PCGF5: variants seen among roughly 807,000 people sequenced by gnomAD.
PCGF5 encodes the protein polycomb group RING finger protein 5.
PCGF5 carries 9 observed loss-of-function variants against 44.3 expected under a neutral mutation model. The observed-to-expected ratio is 0.20, with a 90% CI of 0.12 to 0.35. The LOEUF is 0.35. PCGF5 is among the 10% of genes least tolerant of loss of function. The pLI is 1.00. For missense variants in PCGF5, 146 were observed against 305.3 expected (o/e 0.48, Z 3.89); for synonymous variants, 95 against 102.5 (o/e 0.93, Z 0.44).
intron 1 of PCGF5, among the ~76,000 whole-genome samples, chr10:91,209,961 T>A (rs1467956444): frequency 6.6e-6 from 1 of 152,154 alleles, no homozygotes; most frequent in African/African-American, 2.4e-5. Context: ...CAAATGGGTG[T>A]TTTTGTTTGT....
At chr10:91,274,855 A>C (rs1846267582) in intron 9 of PCGF5, among the ~76,000 whole-genome samples, 1 of 152,198 alleles carries the variant, frequency 6.6e-6, no homozygotes, top group African/African-American at 2.4e-5. Flanking sequence ...GGGCTGGAGC[A>C]CGACAGTGCA....
chr10:91,169,571 A>C (rs1322590975), intron 1 of PCGF5, among the ~76,000 whole-genome samples: 2 of 152,266 alleles, frequency 1.3e-5, no homozygotes, highest in African/African-American at 4.8e-5. Flanking sequence ...ATATACATCT[A>C]ACAAAATATG....
intron 9 of PCGF5, among the ~76,000 whole-genome samples, chr10:91,275,253 A>T (rs4631787): frequency 6.6e-6 from 1 of 152,072 alleles, no homozygotes. Flanking sequence ...AGAAGGAAAC[A>T]CAATGGGCTA....
intron 6 of PCGF5, among the ~76,000 whole-genome samples, 155 bp from the exon 7 acceptor site, chr10:91,261,171 G>A (rs968293390): frequency 1.3e-5 from 2 of 151,766 alleles, no homozygotes; most frequent in Non-Finnish European, 1.5e-5. Context: ...ATTTTTACTC[G>A]CAAATACTAA....
chr10:91,207,501 A>G (rs111473431), intron 1 of PCGF5, among the ~76,000 whole-genome samples: 1,527 of 152,298 alleles, frequency 0.01, 25 homozygotes, highest in African/African-American at 0.032. Flanking sequence ...TTACCTCTAA[A>G]TACTTCAGGT....
chr10:91,161,142 C>T (rs1425965401), upstream of PCGF5, among the ~76,000 whole-genome samples: 1 of 152,204 alleles, frequency 6.6e-6, no homozygotes, highest in Non-Finnish European at 1.5e-5. Context: ...ACAAGCCCTC[C>T]AGGGTTCCGG....
chr10:91,258,794 A>G (rs1487531269), intron 6 of PCGF5, among the ~76,000 whole-genome samples: 1 of 151,972 alleles, frequency 6.6e-6, no homozygotes, highest in African/African-American at 2.4e-5. Flanking sequence ...CTTTTAATGG[A>G]TATTTTATCA....
intron 3 of PCGF5, among the ~76,000 whole-genome samples, chr10:91,243,192 T>C (rs748384650): frequency 1.4e-4 from 21 of 152,130 alleles, no homozygotes; most frequent in Non-Finnish European, 2.5e-4. Context: ...ACCAGGAGAC[T>C]AAGGAGGTTG....
chr10:91,230,723 C>T (rs1032381664), intron 2 of PCGF5, among the ~76,000 whole-genome samples: 6 of 152,124 alleles, frequency 3.9e-5, no homozygotes, highest in African/African-American at 7.2e-5. Context: ...CAGTCTCAAG[C>T]GATCTTCCTA....
In PCGF5 at chr10:91,202,608, C is replaced by T. The variant is rs192026768; in HGVS notation, c.-183-20081C>T. ...ATGAGGGATACTGTAATATAATATA[C>T]AGCCAGAAGTTGTTACTATATTTGA... On this transcript the variant is annotated intron_variant, in intron 1 of 9. Coordinates refer to the PCGF5 transcript ENST00000614189. Among the ~76,000 whole-genome samples, 92 of 152,284 alleles carry T rather than the reference C, an allele frequency of 6.0e-4. 1 individual carries two copies. The highest frequency in any genetic ancestry group is 3.9e-4 in the Admixed American group (6 of 15,296).
intron 2 of PCGF5, among the ~76,000 whole-genome samples, chr10:91,233,832 A>C (rs1181590128): frequency 1.3e-5 from 2 of 152,230 alleles, no homozygotes; most frequent in Non-Finnish European, 2.9e-5. Flanking sequence ...GGAAGGAAGA[A>C]AAAATATGCA....
At chr10:91,171,746 T>C (rs959367100) in intron 1 of PCGF5, among the ~76,000 whole-genome samples, 24 of 152,190 alleles carry the variant, frequency 1.6e-4, no homozygotes, top group African/African-American at 5.8e-4. Context: ...TGAGGAACTT[T>C]CAGGGTTATT....
intron 3 of PCGF5, among the ~76,000 whole-genome samples, chr10:91,245,067 A>T (rs1223848525): frequency 6.6e-6 from 1 of 152,160 alleles, no homozygotes; most frequent in Non-Finnish European, 1.5e-5. Flanking sequence ...ACAGAGAGGC[A>T]CGAGTAAAGG....
At chr10:91,205,829 A>C (rs760779417) in intron 1 of PCGF5, among the ~76,000 whole-genome samples, 6 of 152,126 alleles carry the variant, frequency 3.9e-5, no homozygotes, top group Non-Finnish European at 7.4e-5. Context: ...ATCTCTGCTA[A>C]AAATACAAAA....
intron 2 of PCGF5, among the ~76,000 whole-genome samples, chr10:91,224,092 A>G (rs941024164): frequency 6.6e-6 from 1 of 152,224 alleles, no homozygotes; most frequent in Non-Finnish European, 1.5e-5. Context: ...TGTTACATTT[A>G]TGTTACATTT....
intron 1 of PCGF5, among the ~76,000 whole-genome samples, chr10:91,222,213 A>G (rs569294820): frequency 9.8e-5 from 15 of 152,344 alleles, no homozygotes; most frequent in Admixed American, 3.9e-4. Context: ...GATGGACTGC[A>G]GGTGGAGAGG....
In PCGF5 at chr10:91,272,759, C is replaced by G. The variant is rs143756695; in HGVS notation, c.723+1062C>G. ...CTGCATTCCAGCCTGGGTGACAGAGCAAGACTCTGTTTCAGACAAACAAAT... is the reference window on the plus strand; with the variant it reads ...CTGCATTCCAGCCTGGGTGACAGAGGAAGACTCTGTTTCAGACAAACAAAT... On this transcript the variant is annotated intron_variant, in intron 9 of 9. Transcript: ENST00000336126. Among the ~76,000 whole-genome samples the G allele has an allele frequency of 3.2e-3, 491 of 152,180 alleles. 4 individuals are homozygous for G. Among genetic ancestry groups the G allele is most frequent in the Non-Finnish European group, 5.5e-3 (375 of 67,994 alleles).
chr10:91,188,393 T>C (rs1843965605), intron 1 of PCGF5, among the ~76,000 whole-genome samples: 1 of 152,224 alleles, frequency 6.6e-6, no homozygotes, highest in Admixed American at 6.5e-5. Flanking sequence ...GTTCAAATGT[T>C]GTTTTATTAT....
intron 1 of PCGF5, among the ~76,000 whole-genome samples, chr10:91,171,986 G>T (rs1843616047): frequency 6.6e-6 from 1 of 152,206 alleles, no homozygotes; most frequent in Admixed American, 6.5e-5. Flanking sequence ...GTACCTTAAA[G>T]ATAAGGAAGT....
Sources: gnomAD v4.1 joint callset for allele counts (sites outside exome capture counted in the v4.1 genomes callset) on GRCh38, gnomAD v4.1.1 for gene constraint, MANE v1.5 for transcripts, NCBI Gene and HGNC (gene_info 2026-07-23, HGNC 2026-07-21) for gene names.